SPAG16: variants seen among roughly 807,000 people sequenced by gnomAD.
SPAG16 encodes sperm associated antigen 16.
In SPAG16, 86 loss-of-function variants were observed where a neutral mutation model predicts 80.4. The observed-to-expected ratio is 1.07, with a 90% CI of 0.90 to 1.28. The LOEUF is 1.28. SPAG16 is among the 50% of genes most tolerant of loss of function. The pLI is 0.00. For missense variants in SPAG16, 870 were observed against 765.3 expected (o/e 1.14, Z -1.61); for synonymous variants, 294 against 265.9 (o/e 1.11, Z -1.03).
At chr2:214,151,143 A>G (rs1175275626) in intron 15 of SPAG16, among the ~76,000 whole-genome samples, 1 of 152,126 alleles carries the variant, frequency 6.6e-6, no homozygotes, top group African/African-American at 2.4e-5. Flanking sequence ...CATGTGTGTG[A>G]GAAATTACTG....
At chr2:214,374,780 C>T (rs1700029944) in intron 15 of SPAG16, among the ~76,000 whole-genome samples, 1 of 152,106 alleles carries the variant, frequency 6.6e-6, no homozygotes, top group South Asian at 2.1e-4. Flanking sequence ...AGATGCATAC[C>T]TCATTCGATT....
rs539125921 is a variant in SPAG16 at position 213,582,356 on chromosome 2, T to G, written c.1070+92266T>G. On this transcript the variant is annotated intron_variant, in intron 10 of 15. Coordinates refer to ENST00000331683, the MANE Select transcript of SPAG16 (RefSeq NM_024532.5). ...AGCCAGGTGTGGTAAGGAATAAAAG[T>G]TATTTTTAACATTGACCTCAGGTTC... Among the ~76,000 whole-genome samples the G allele has an allele frequency of 2.6e-4, 39 of 152,216 alleles. No homozygotes were observed. In the South Asian group the frequency reaches 7.7e-3, roughly 30 times the overall value.
At chr2:214,016,913 C>T (rs1479433562) in intron 13 of SPAG16, among the ~76,000 whole-genome samples, 1 of 152,032 alleles carries the variant, frequency 6.6e-6, no homozygotes, top group Non-Finnish European at 1.5e-5. Context: ...ATATACAAAA[C>T]ATGATTGATA....
chr2:213,745,221 T>C (rs1302970115), intron 10 of SPAG16, among the ~76,000 whole-genome samples: 1 of 152,168 alleles, frequency 6.6e-6, no homozygotes, highest in East Asian at 1.9e-4. Flanking sequence ...TCTGATACAT[T>C]CATATTTTAA....
At chr2:214,005,555 A>G (rs1185418893) in intron 12 of SPAG16, among the ~76,000 whole-genome samples, 1 of 152,208 alleles carries the variant, frequency 6.6e-6, no homozygotes. Context: ...ATTTTCATAC[A>G]GACACAGACT....
chr2:213,396,396 T>G (rs955720348), intron 9 of SPAG16, among the ~76,000 whole-genome samples: 1 of 152,240 alleles, frequency 6.6e-6, no homozygotes, highest in African/African-American at 2.4e-5. Context: ...ATTTTCCCCA[T>G]GCAGATCTTG....
chr2:213,871,674 A>G (rs537636388), intron 11 of SPAG16, among the ~76,000 whole-genome samples: 13 of 152,260 alleles, frequency 8.5e-5, no homozygotes, highest in African/African-American at 2.9e-4. Context: ...GATGTGTCCT[A>G]ACATGCACAC....
At chr2:213,924,041 G>A (rs539934892) in intron 11 of SPAG16, 1 of 152,548 alleles carries the variant, frequency 6.6e-6, no homozygotes, top group South Asian at 2.1e-4. Flanking sequence ...TGGTGGGGGT[G>A]GGTGGAGTGG....
intron 10 of SPAG16, among the ~76,000 whole-genome samples, chr2:213,566,161 G>A (rs2059755304): frequency 6.6e-6 from 1 of 152,096 alleles, no homozygotes; most frequent in Non-Finnish European, 1.5e-5. Flanking sequence ...GAAGGAGGAG[G>A]TAATTAAACA....
chr2:213,654,540 C>CAAAAAAAA (rs36009811), intron 10 of SPAG16, among the ~76,000 whole-genome samples: 3 of 56,734 alleles, frequency 5.3e-5, no homozygotes, highest in Non-Finnish European at 1.0e-4. Context: ...ACTAAAAATA[C>CAAAAAAAA]AAAAAAAAAA....
rs532329996 is a variant in SPAG16, at chr2:214,237,363, G to A, written c.1720+88097G>A. ...GATCTTAATTCATTAATTGCTGTTA[G>A]CATTTTATTCGTAAGATAATTACCA... is the stretch of plus-strand genomic sequence containing the variant. On this transcript the variant is annotated intron_variant, in intron 15 of 15. Coordinates refer to ENST00000331683, the MANE Select transcript of SPAG16 (RefSeq NM_024532.5). Among the ~76,000 whole-genome samples, 6 of 151,764 alleles carry A rather than the reference G, an allele frequency of 4.0e-5. No individual in the cohort carries two copies. In the East Asian group the frequency reaches 1.2e-3, roughly 29 times the overall value.
intron 10 of SPAG16, among the ~76,000 whole-genome samples, chr2:213,556,848 C>CA (rs1479692204): frequency 6.6e-6 from 1 of 152,036 alleles, no homozygotes; most frequent in Non-Finnish European, 1.5e-5. Context: ...TGCTAGGCTA[C>CA]AAAATAAGTC....
chr2:214,119,938 G>T (rs1342961582), intron 14 of SPAG16, among the ~76,000 whole-genome samples: 1 of 151,820 alleles, frequency 6.6e-6, no homozygotes, highest in Non-Finnish European at 1.5e-5. Context: ...GATAAGGTTG[G>T]ATCTTTCTCA....
intron 10 of SPAG16, among the ~76,000 whole-genome samples, chr2:213,796,823 TA>T (rs199877854): frequency 0.01 from 1,596 of 152,006 alleles, 28 homozygotes; most frequent in African/African-American, 0.037. Context: ...TTCTACTTAT[TA>T]AAAAAAAGTT....
intron 10 of SPAG16, among the ~76,000 whole-genome samples, chr2:213,572,649 G>C (rs2059956958): frequency 6.6e-6 from 1 of 152,094 alleles, no homozygotes; most frequent in South Asian, 2.1e-4. Context: ...AAAGCTGTCA[G>C]ACAGGGACAC....
chr2:213,287,001 A>C (rs1462248701), intron 1 of SPAG16, among the ~76,000 whole-genome samples: 2 of 152,220 alleles, frequency 1.3e-5, no homozygotes, highest in Non-Finnish European at 2.9e-5. Flanking sequence ...TAGCTGTAAC[A>C]GTGCCACCTA....
chr2:213,534,393 C>T (rs988950990), intron 10 of SPAG16, among the ~76,000 whole-genome samples: 1 of 151,996 alleles, frequency 6.6e-6, no homozygotes, highest in South Asian at 2.1e-4. Flanking sequence ...TAAGTATATA[C>T]CCCAATAATT....
At chr2:213,388,933 A>T (rs563270658) in intron 9 of SPAG16, among the ~76,000 whole-genome samples, 1 of 152,334 alleles carries the variant, frequency 6.6e-6, no homozygotes, top group Non-Finnish European at 1.5e-5. Context: ...TAAGTTTCGT[A>T]TAGTCTCAAG....
At chr2:213,494,933 T>A (rs2074414920) in intron 10 of SPAG16, among the ~76,000 whole-genome samples, 1 of 152,224 alleles carries the variant, frequency 6.6e-6, no homozygotes, top group Admixed American at 6.5e-5. Flanking sequence ...CTCCAGTTTT[T>A]ACATGTCTAG....
Sources: gnomAD v4.1 joint callset for allele counts (sites outside exome capture counted in the v4.1 genomes callset) on GRCh38, gnomAD v4.1.1 for gene constraint, MANE v1.5 for transcripts, NCBI Gene and HGNC (gene_info 2026-07-23, HGNC 2026-07-21) for gene names.